EPHA6: variants seen among roughly 807,000 people sequenced by gnomAD.
EPHA6 encodes the protein ephrin type-A receptor 6.
EPHA6 carries 50 observed loss-of-function variants against 112.0 expected under a neutral mutation model. The ratio of observed to expected loss-of-function variants is 0.45; its 90% confidence interval spans 0.36 to 0.56. The LOEUF (loss-of-function observed/expected upper bound fraction) is 0.56, where lower values mean the gene tolerates loss of function less well. EPHA6 is among the 20% of genes least tolerant of loss of function. The probability of loss-of-function intolerance (pLI) is 0.00; values close to 1 mark genes in which losing one functional copy is unlikely to be tolerated. For missense variants in EPHA6, 1,280 were observed against 1,417.4 expected (o/e 0.90, Z 1.56); for synonymous variants, 529 against 490.7 (o/e 1.08, Z -1.03).
intron 2 of EPHA6, among the ~76,000 whole-genome samples, chr3:96,910,754 T>C (rs1412373410): frequency 6.6e-6 from 1 of 152,048 alleles, no homozygotes; most frequent in African/African-American, 2.4e-5. Flanking sequence ...AAAATAGTCT[T>C]CCCAATTCAT....
intron 3 of EPHA6, among the ~76,000 whole-genome samples, chr3:97,016,929 A>G (rs1456855410): frequency 6.6e-6 from 1 of 152,218 alleles, no homozygotes; most frequent in Non-Finnish European, 1.5e-5. Flanking sequence ...GTAGTAGAGC[A>G]TTGTTTGGAT....
Position 97,515,282 on chromosome 3 carries a change from G to C in EPHA6, c.2201-17076G>C, listed in dbSNP as rs111844295. Among the ~76,000 whole-genome samples the C allele has an allele frequency of 5.0e-3, 761 of 152,270 alleles. 8 individuals carry two copies. Among genetic ancestry groups the C allele is most frequent in the African/African-American group, 0.018 (729 of 41,562 alleles). ...AATTGCAGGGTGTGTGTGGCCAAAG[G>C]GCAAGTGAAAGTGGGTGGTAGCAAT... On this transcript the variant is annotated intron_variant, in intron 10 of 17. Transcript: ENST00000389672.
At chr3:97,693,774 C>T (rs1443726748) in intron 14 of EPHA6, among the ~76,000 whole-genome samples, 1 of 152,058 alleles carries the variant, frequency 6.6e-6, no homozygotes, top group African/African-American at 2.4e-5. Context: ...CGCCACTGCA[C>T]TCCAGCCTGG....
intron 13 of EPHA6, among the ~76,000 whole-genome samples, chr3:97,613,116 T>C (rs1363446957): frequency 6.6e-6 from 1 of 151,996 alleles, no homozygotes; most frequent in Admixed American, 6.6e-5. Context: ...TCCATCTTAC[T>C]CTTCTTTAAT....
chr3:97,202,525 G>C (rs906366374), intron 3 of EPHA6, among the ~76,000 whole-genome samples: 2 of 151,900 alleles, frequency 1.3e-5, no homozygotes, highest in African/African-American at 4.8e-5. Flanking sequence ...TTGGAGACAG[G>C]GTTTTGCCAT....
intron 5 of EPHA6, among the ~76,000 whole-genome samples, chr3:97,387,491 G>T (rs2086141064): frequency 6.6e-6 from 1 of 151,870 alleles, no homozygotes; most frequent in Non-Finnish European, 1.5e-5. Flanking sequence ...AATTCTCTTT[G>T]CCAAAGCATA....
chr3:96,930,858 G>A (rs1230381457), intron 2 of EPHA6, among the ~76,000 whole-genome samples: 2 of 151,922 alleles, frequency 1.3e-5, no homozygotes, highest in Middle Eastern at 3.4e-3. Flanking sequence ...CAGGCATGGT[G>A]GCATGCGCCT....
chr3:97,366,956 T>C lies in EPHA6; in HGVS notation c.1607-38194T>C, dbSNP rs534547248. ...AACTATTCTCAGCGCTTTACACGTA[T>C]TGATTCATTGAATTCTCACAACACT... is the stretch of plus-strand genomic sequence containing the variant. On this transcript the variant is annotated intron_variant, in intron 5 of 17. Transcript: ENST00000389672. Among the ~76,000 whole-genome samples the C allele has an allele frequency of 5.3e-5, 8 of 152,290 alleles. No individual in the cohort carries two copies. In the South Asian group the frequency reaches 1.0e-3, roughly 20 times the overall value.
chr3:97,543,313 G>C (rs1034990704), intron 11 of EPHA6, among the ~76,000 whole-genome samples: 1 of 152,104 alleles, frequency 6.6e-6, no homozygotes, highest in Admixed American at 6.5e-5. Context: ...TTCTACATAT[G>C]GCTAGCCAGT....
chr3:97,496,635 T>C (rs1321755660), intron 10 of EPHA6, among the ~76,000 whole-genome samples: 3 of 152,150 alleles, frequency 2.0e-5, no homozygotes, highest in African/African-American at 7.2e-5. Flanking sequence ...CATCTTCACC[T>C]ATCTTAGGTG....
chr3:96,831,868 A>G (rs1011084813), intron 1 of EPHA6, among the ~76,000 whole-genome samples: 3 of 152,064 alleles, frequency 2.0e-5, no homozygotes, highest in Non-Finnish European at 4.4e-5. Flanking sequence ...CAACCAGTGC[A>G]ACACCTGGAA....
rs301934 is a variant in EPHA6, at chr3:97,636,789, G to A, written c.2575-1084G>A. ...TAAAATTTATAAGTTTCTCTTATTT[G>A]TGCTTCTAATGTATAACATAAAGTA... On this transcript the variant is annotated intron_variant, in intron 13 of 17. Transcript: ENST00000389672. Among the ~76,000 whole-genome samples, 539 of 152,040 alleles carry A rather than the reference G, an allele frequency of 3.5e-3. 1 individual carries two copies. The highest frequency in any genetic ancestry group is 6.0e-3 in the Admixed American group (91 of 15,258).
intron 3 of EPHA6, among the ~76,000 whole-genome samples, chr3:97,177,485 C>T (rs1411689566): frequency 6.6e-6 from 1 of 151,930 alleles, no homozygotes; most frequent in Non-Finnish European, 1.5e-5. Flanking sequence ...TTGAAGTCTA[C>T]AGTTATTATT....
At chr3:97,004,038 C>T (rs2043782198) in intron 3 of EPHA6, among the ~76,000 whole-genome samples, 1 of 152,064 alleles carries the variant, frequency 6.6e-6, no homozygotes, top group South Asian at 2.1e-4. Flanking sequence ...GTTATCCAGT[C>T]TAACATTGAT....
intron 14 of EPHA6, among the ~76,000 whole-genome samples, chr3:97,670,853 C>G (rs780214741): frequency 2.6e-5 from 4 of 152,182 alleles, no homozygotes; most frequent in Admixed American, 6.6e-5. Context: ...GTTAGCTTCT[C>G]TAATTTTTCC....
At chr3:97,382,324 AT>A (rs2085800603) in intron 5 of EPHA6, among the ~76,000 whole-genome samples, 1 of 152,084 alleles carries the variant, frequency 6.6e-6, no homozygotes, top group Non-Finnish European at 1.5e-5. Context: ...CTTTTCTTCA[AT>A]AAGTTCCCAT....
chr3:97,097,799 A>G (rs538060396), intron 3 of EPHA6, among the ~76,000 whole-genome samples: 1 of 152,050 alleles, frequency 6.6e-6, no homozygotes, highest in Non-Finnish European at 1.5e-5. Flanking sequence ...TTAATCACAT[A>G]GCAGATAAAT....
chr3:97,099,216 C>T (rs768215903), intron 3 of EPHA6, among the ~76,000 whole-genome samples: 44 of 151,818 alleles, frequency 2.9e-4, no homozygotes, highest in Non-Finnish European at 5.0e-4. Flanking sequence ...TATCTATTTT[C>T]AGCAGACTTA....
At chr3:97,554,030 T>C (rs2107108123) in intron 11 of EPHA6, among the ~76,000 whole-genome samples, 1 of 152,284 alleles carries the variant, frequency 6.6e-6, no homozygotes, top group Middle Eastern at 3.4e-3. Flanking sequence ...AAATATTTTA[T>C]GAAAGAAAGT....
Sources: allele counts gnomAD v4.1 joint callset (sites outside exome capture counted in the v4.1 genomes callset), GRCh38; gene constraint gnomAD v4.1.1; transcripts MANE v1.5; gene names NCBI Gene and HGNC (gene_info 2026-07-23, HGNC 2026-07-21).